The following UTP6 variants were observed in gnomAD, a reference collection of about 807,000 sequenced individuals.
The protein encoded by UTP6 is U3 small nucleolar RNA-associated protein 6 homolog.
Under a neutral mutation model 96.5 loss-of-function variants are expected in UTP6, and 60 were observed. The observed-to-expected ratio is 0.62, with a 90% CI of 0.51 to 0.77. The LOEUF is 0.77. Among genes scored for constraint, UTP6 ranks in the 30% least tolerant of loss-of-function variants. The pLI is 0.00. For missense variants in UTP6, 637 were observed against 706.5 expected (o/e 0.90, Z 1.12); for synonymous variants, 215 against 240.1 (o/e 0.90, Z 0.96).
chr17:31,866,234 C>T (rs1292088597), intron 17 of UTP6, among the ~76,000 whole-genome samples: 1 of 148,548 alleles, frequency 6.7e-6, no homozygotes, highest in African/African-American at 2.5e-5. Context: ...TTGCAGTGAG[C>T]CGAGATCGCG....
chr17:31,899,611 G>C, intron 2 of UTP6, 35 bp downstream of exon 2: 1 of 1,521,822 alleles, frequency 6.6e-7, no homozygotes, highest in South Asian at 1.2e-5. Flanking sequence ...AAACAAAAAA[G>C]AAAAAAAGAA....
rs1187779732 is a variant in UTP6 at position 31,873,390 on chromosome 17, G to C, written c.1484C>G (p.Ala495Gly). 1 of 1,614,090 alleles carries C rather than the reference G, an allele frequency of 6.2e-7. No homozygotes were observed. Among genetic ancestry groups the C allele is most frequent in the Non-Finnish European group, 8.5e-7 (1 of 1,180,048 alleles). ...CGTCTGTGAGTACCTTTTAAACACA[G>C]CTCTGGCCTTTTTGTAGCCACCACT... ...YRSGGYKKAR[A>G]VFKSLQESRP... The change falls in exon 16 of 19, where the codon GCT (alanine) becomes GGT (glycine). Residue 495 changes from alanine to glycine, a missense_variant. Coordinates refer to ENST00000261708, the MANE Select transcript of UTP6 (RefSeq NM_018428.3).
intron 7 of UTP6, chr17:31,888,210 G>A (rs1911263694): frequency 6.6e-6 from 1 of 151,772 alleles, no homozygotes; most frequent in African/African-American, 2.4e-5. Context: ...AGGAAGACAA[G>A]GCAAAGAAGC....
chr17:31,865,378 A>T lies in UTP6; in HGVS notation c.1624T>A (p.Ser542Thr). 1 of 1,614,058 alleles carries T rather than the reference A, an allele frequency of 6.2e-7. No homozygotes were observed. The highest frequency in any genetic ancestry group is 8.5e-7 in the Non-Finnish European group (1 of 1,179,950). The change falls in exon 18 of 19, where the codon TCC (serine) becomes ACC (threonine). Residue 542 changes from serine (S) to threonine (T), a missense_variant. Physicochemically the swap from Ser to Thr is moderately conservative, Grantham distance 58. Coordinates refer to ENST00000261708, the MANE Select transcript of UTP6 (RefSeq NM_018428.3). ...AGGGTTTACTTACCAGAATCTGCGGATCCAAACTCTCTCAAAGCTCTCTCA... is the reference window on the plus strand; with the variant it reads ...AGGGTTTACTTACCAGAATCTGCGGTTCCAAACTCTCTCAAAGCTCTCTCA... ...YYERALREFGSADSDLWMDYM... is the reference protein window; with the variant it reads ...YYERALREFGTADSDLWMDYM...
chr17:31,882,909 G>A (rs529300727), intron 10 of UTP6, among the ~76,000 whole-genome samples: 3 of 151,964 alleles, frequency 2.0e-5, no homozygotes, highest in South Asian at 2.1e-4. Context: ...CCTCAGCCCC[G>A]CAAGTAGCTG....
chr17:31,901,069 G>A (rs1009588022), intron 1 of UTP6, among the ~76,000 whole-genome samples: 1 of 152,278 alleles, frequency 6.6e-6, no homozygotes, highest in South Asian at 2.1e-4. Context: ...AGGCTCTGGA[G>A]TAGCATATGA....
chr17:31,866,197 G>A (rs1240182462), intron 17 of UTP6, among the ~76,000 whole-genome samples: 1 of 148,782 alleles, frequency 6.7e-6, no homozygotes, highest in African/African-American at 2.5e-5. Flanking sequence ...TGAGGCAGGA[G>A]AACGGCGTGA....
intron 2 of UTP6, among the ~76,000 whole-genome samples, chr17:31,898,694 ACT>A (rs1288134747): frequency 1.3e-5 from 2 of 151,734 alleles, no homozygotes; most frequent in African/African-American, 4.8e-5. Context: ...ACACAGAGAG[ACT>A]CTATTTCAAT....
intron 2 of UTP6, among the ~76,000 whole-genome samples, chr17:31,895,846 T>C (rs1904604630): frequency 6.6e-6 from 1 of 151,602 alleles, no homozygotes; most frequent in Admixed American, 6.6e-5. Flanking sequence ...TCAATCCATA[T>C]TTCTACTCAA....
At chr17:31,884,136 T>C (rs1598108858) in intron 10 of UTP6, among the ~76,000 whole-genome samples, 1 of 151,394 alleles carries the variant, frequency 6.6e-6, no homozygotes, top group African/African-American at 2.4e-5. Context: ...GTAGCTGGGA[T>C]TACAGGCATG....
intron 13 of UTP6, 85 bp from the exon 14 acceptor site, chr17:31,875,498 C>A: frequency 7.7e-6 from 11 of 1,424,546 alleles, no homozygotes; most frequent in East Asian, 4.7e-5. Context: ...TCATTTGAGG[C>A]AAGAATTTCA....
At chr17:31,878,030 C>T (rs1158773285) in intron 13 of UTP6, among the ~76,000 whole-genome samples, 1 of 151,174 alleles carries the variant, frequency 6.6e-6, no homozygotes, top group East Asian at 1.9e-4. Context: ...GACTCTTGTT[C>T]TAAGTGCTTT....
At chr17:31,884,006 T>TTC (rs1910992311) in intron 10 of UTP6, among the ~76,000 whole-genome samples, 1 of 150,634 alleles carries the variant, frequency 6.6e-6, no homozygotes, top group East Asian at 1.9e-4. Flanking sequence ...ATATTAATTT[T>TTC]TTTTTTTTTT....
At position 31,863,323 on chromosome 17, in the gene UTP6, A is replaced by G. The variant is rs777046763; in HGVS notation, c.*36T>C. 9.3e-6 allele frequency: 15 copies of G among 1,608,372 alleles called. No individual in the cohort carries two copies. Among genetic ancestry groups the G allele is most frequent in the Non-Finnish European group, 1.2e-5 (14 of 1,177,418 alleles). ...AAATTTGCCCACGGGGCTTGCTTGC[A>G]ATACTATTTCACAAAGCTGACTGTA... On this transcript the variant is annotated 3_prime_UTR_variant, in exon 19 of 19. Coordinates refer to ENST00000261708, the MANE Select transcript of UTP6 (RefSeq NM_018428.3).
intron 4 of UTP6, 33 bp downstream of exon 4, chr17:31,894,612 T>A: frequency 6.9e-7 from 1 of 1,445,234 alleles, no homozygotes; most frequent in Non-Finnish European, 9.6e-7. Flanking sequence ...TATCTTCACA[T>A]CTCATAAAGT....
At chr17:31,889,517 GA>G (rs1379667827) in intron 6 of UTP6, 114 bp from the exon 7 acceptor site, 5 of 517,680 alleles carry the variant, frequency 9.7e-6, no homozygotes, top group Non-Finnish European at 1.5e-5. Flanking sequence ...TTTTTTTTTT[GA>G]GACAGTCTCA....
At chr17:31,893,430 C>CAAA (rs1295621293) in intron 4 of UTP6, among the ~76,000 whole-genome samples, 11 of 50,578 alleles carry the variant, frequency 2.2e-4, no homozygotes, top group African/African-American at 2.8e-4. Flanking sequence ...GACTCCACCT[C>CAAA]AAAAAAAAAA....
intron 17 of UTP6, among the ~76,000 whole-genome samples, chr17:31,866,153 G>A (rs1354737498): frequency 6.6e-6 from 1 of 151,956 alleles, no homozygotes; most frequent in African/African-American, 2.4e-5. Context: ...CAGGCGTGGT[G>A]GCGGGTGCCT....
At chr17:31,891,115 A>G (rs1420313878) in intron 6 of UTP6, among the ~76,000 whole-genome samples, 2 of 152,218 alleles carry the variant, frequency 1.3e-5, no homozygotes, top group Non-Finnish European at 2.9e-5. Context: ...AAGGTCACCT[A>G]TCTTATCAAG....
Sources: gnomAD v4.1 joint callset for allele counts (sites outside exome capture counted in the v4.1 genomes callset) on GRCh38, gnomAD v4.1.1 for gene constraint, MANE v1.5 for transcripts, NCBI Gene and HGNC (gene_info 2026-07-23, HGNC 2026-07-21) for gene names.